Variants in SEMA3A observed in about 807,000 individuals in gnomAD.
The protein encoded by SEMA3A is semaphorin-3A.
A neutral mutation model predicts 97.9 loss-of-function variants in SEMA3A; 29 were observed. The observed-to-expected ratio is 0.30, with a 90% confidence interval of 0.22 to 0.40. The LOEUF is 0.40. Ranked by LOEUF, SEMA3A falls within the 10% of genes least tolerant of loss-of-function variation. The pLI, the probability that SEMA3A is intolerant of heterozygous loss-of-function variation, is 1.00. For synonymous variants in SEMA3A, 321 were observed against 323.7 expected, an observed-to-expected ratio of 0.99 and a Z score of 0.09; for missense variants, 763 against 951.3, an observed-to-expected ratio of 0.80 and a Z score of 2.60.
chr7:83,984,771 G>A lies in SEMA3A; in HGVS notation c.1494+665C>T, dbSNP rs561432119. On this transcript the variant is annotated intron_variant, in intron 13 of 16. Coordinates refer to ENST00000265362, the MANE Select transcript of SEMA3A (RefSeq NM_006080.3). ...GACTTTTCTGAAGTGTCTTGCCAAA[G>A]CATCCATTTGATATGAATGGAAAGA... Among the ~76,000 whole-genome samples, 188 of 152,012 alleles carry A rather than the reference G, an allele frequency of 1.2e-3. 1 individual carries two copies. The highest frequency in any genetic ancestry group is 3.4e-3 in the Admixed American group (52 of 15,264).
chr7:84,086,947 T>C (rs978601839), intron 4 of SEMA3A, among the ~76,000 whole-genome samples: 3 of 152,024 alleles, frequency 2.0e-5, no homozygotes, highest in African/African-American at 7.2e-5. Context: ...TTCATATACA[T>C]GATTTTCTTT....
intron 1 of SEMA3A, among the ~76,000 whole-genome samples, chr7:84,483,749 TA>T (rs201494770): frequency 2.1e-5 from 3 of 142,876 alleles, no homozygotes; most frequent in East Asian, 2.5e-4. Flanking sequence ...TCATACTAAT[TA>T]AAAAAAAATC....
At chr7:84,433,489 G>C (rs1277041866) in intron 1 of SEMA3A, among the ~76,000 whole-genome samples, 2 of 151,964 alleles carry the variant, frequency 1.3e-5, no homozygotes, top group East Asian at 3.9e-4. Context: ...ATGGACATTT[G>C]GGTTCGTTCC....
rs1788268788 is a variant in SEMA3A, at chr7:83,955,810, A to G, written c.*5561T>C. 6.6e-6 allele frequency: 1 copy of G among 152,182 alleles called. No individual in the cohort carries two copies. Among genetic ancestry groups the G allele is most frequent in the African/African-American group, 2.4e-5 (1 of 41,448 alleles). The allele number at this position is 152,182 out of a possible 1,614,324, so 9.4% of individuals were successfully genotyped here. On this transcript the variant is annotated 3_prime_UTR_variant, in exon 17 of 17. Transcript: ENST00000265362. ...TTACAAATGTATTTACTTGAGATCT[A>G]ATGCTTCAGTGAGATTTACAAAGAG...
chr7:84,228,776 C>T (rs1584146732), intron 3 of SEMA3A, among the ~76,000 whole-genome samples: 1 of 152,200 alleles, frequency 6.6e-6, no homozygotes, highest in East Asian at 1.9e-4. Context: ...GGGCTGACTG[C>T]AACCTTCCTG....
intron 2 of SEMA3A, among the ~76,000 whole-genome samples, chr7:84,360,814 G>T (rs1220948836): frequency 6.6e-6 from 1 of 150,956 alleles, no homozygotes; most frequent in African/African-American, 2.4e-5. Flanking sequence ...TATTTTTTTT[G>T]AGAGTGTCTC....
intron 1 of SEMA3A, among the ~76,000 whole-genome samples, chr7:84,398,101 A>C (rs1189239952): frequency 6.6e-6 from 1 of 152,190 alleles, no homozygotes; most frequent in Non-Finnish European, 1.5e-5. Flanking sequence ...ACCAAAACAC[A>C]TTTTGATTGA....
At chr7:84,223,243 C>T (rs1382077488) in intron 3 of SEMA3A, among the ~76,000 whole-genome samples, 5 of 151,698 alleles carry the variant, frequency 3.3e-5, no homozygotes, top group African/African-American at 1.2e-4. Context: ...GAAGAAAAAC[C>T]ATCAGAGTAG....
intron 7 of SEMA3A, among the ~76,000 whole-genome samples, 191 bp downstream of exon 7, chr7:84,014,018 C>A (rs1344275764): frequency 1.3e-5 from 2 of 152,088 alleles, no homozygotes; most frequent in East Asian, 3.9e-4. Context: ...ACAACCTGTA[C>A]CTGTATATTT....
chr7:84,390,419 C>A (rs1333240920), intron 1 of SEMA3A, among the ~76,000 whole-genome samples: 1 of 150,620 alleles, frequency 6.6e-6, no homozygotes, highest in Non-Finnish European at 1.5e-5. Flanking sequence ...AGAATATTAA[C>A]CCCTTTACTA....
Position 84,455,270 on chromosome 7 carries a change from A to T in SEMA3A, c.-246+37190T>A, listed in dbSNP as rs75303396. On this transcript the variant is annotated intron_variant, in intron 1 of 3. Transcript: ENST00000424555. The stretch of plus-strand genomic sequence containing the variant: ...ATAAAACAGGTAGTTTAAGATTAAA[A>T]TAAATATAGTTTCACATAAACATTG... Among the ~76,000 whole-genome samples the T allele has an allele frequency of 0.014, 2,118 of 152,082 alleles. 83 individuals are homozygous for T. The East Asian group carries it at 0.16, about 11-fold the overall frequency.
chr7:84,473,359 A>G (rs1246117597), intron 1 of SEMA3A, among the ~76,000 whole-genome samples: 4 of 149,190 alleles, frequency 2.7e-5, no homozygotes, highest in South Asian at 2.1e-4. Flanking sequence ...AATCTTATAT[A>G]CTTTATATTT....
At chr7:84,325,133 A>ATCTG (rs1801743879) in intron 2 of SEMA3A, among the ~76,000 whole-genome samples, 1 of 90,386 alleles carries the variant, frequency 1.1e-5, no homozygotes, top group Non-Finnish European at 2.6e-5. Context: ...CTATCTATCT[A>ATCTG]TCTATCTATC....
rs571201686 is a variant in SEMA3A at position 84,445,826 on chromosome 7, A to C, written c.-246+46634T>G. ...TTGTAGATCTAGGAAAAAATACAGC[A>C]AAAGGAAGAAAATAATAAAGATTAG... is the stretch of plus-strand genomic sequence containing the variant. On this transcript the variant is annotated intron_variant, in intron 1 of 3. Transcript: ENST00000424555. Among the ~76,000 whole-genome samples, 29 of 151,920 alleles carry C rather than the reference A, an allele frequency of 1.9e-4. No individual in the cohort carries two copies. In the South Asian group the frequency reaches 5.8e-3, roughly 30 times the overall value.
chr7:84,425,855 C>CAT lies in SEMA3A; in HGVS notation c.-245-53956_-245-53955insAT, dbSNP rs34797969. On this transcript the variant is annotated intron_variant, in intron 1 of 3. Coordinates refer to the SEMA3A transcript ENST00000424555. ...TATATAATATATAATGTTTATATAA[C>CAT]ACACACACACACACACACACACCCA... is the stretch of plus-strand genomic sequence containing the variant. Among the ~76,000 whole-genome samples, 71 of 87,826 alleles carry CAT rather than the reference C, an allele frequency of 8.1e-4. 1 individual carries two copies. Among genetic ancestry groups the CAT allele is most frequent in the South Asian group, 1.0e-3 (3 of 2,996 alleles). The allele number at this position is 87,826 out of a possible 152,430, so 57.6% of individuals were successfully genotyped here.
chr7:84,197,431 T>C (rs1798257495), upstream of SEMA3A, among the ~76,000 whole-genome samples: 1 of 152,146 alleles, frequency 6.6e-6, no homozygotes, highest in South Asian at 2.1e-4. Context: ...ACACAGATAA[T>C]TCAAATGTTA....
intron 3 of SEMA3A, among the ~76,000 whole-genome samples, chr7:84,293,799 A>G (rs180775900): frequency 3.9e-5 from 6 of 152,202 alleles, no homozygotes; most frequent in African/African-American, 1.4e-4. Context: ...AACAATCCGT[A>G]TATGAACTTC....
intron 1 of SEMA3A, among the ~76,000 whole-genome samples, chr7:84,446,562 A>C (rs1805419384): frequency 1.3e-5 from 2 of 152,222 alleles, no homozygotes; most frequent in South Asian, 4.1e-4. Flanking sequence ...GTAAAGGAAT[A>C]AAAAGTCATC....
At chr7:84,049,720 AATT>A (rs1792521684) in intron 5 of SEMA3A, among the ~76,000 whole-genome samples, 1 of 151,514 alleles carries the variant, frequency 6.6e-6, no homozygotes, top group Non-Finnish European at 1.5e-5. Flanking sequence ...CATTTTTTAA[AATT>A]ATTATTATAC....
Sources: allele counts gnomAD v4.1 joint callset (sites outside exome capture counted in the v4.1 genomes callset), GRCh38; gene constraint gnomAD v4.1.1; transcripts MANE v1.5; gene names NCBI Gene and HGNC (gene_info 2026-07-23, HGNC 2026-07-21).